Variants in SLC25A21 observed in about 807,000 individuals in gnomAD.
SLC25A21 encodes solute carrier family 25 member 21, also known as mitochondrial 2-oxodicarboxylate carrier.
In SLC25A21, 47 loss-of-function variants were observed where a neutral mutation model predicts 43.8. The observed-to-expected ratio is 1.07, with a 90% CI of 0.85 to 1.37. The LOEUF (loss-of-function observed/expected upper bound fraction) is 1.37, where lower values mean the gene tolerates loss of function less well. Among genes scored for constraint, SLC25A21 ranks in the 40% most tolerant of loss-of-function variants. SLC25A21 has a pLI of 0.00. For synonymous variants in SLC25A21, 131 were observed against 121.3 expected (o/e 1.08, Z -0.52); for missense variants, 352 against 350.2 (o/e 1.00, Z -0.04).
intron 1 of SLC25A21, among the ~76,000 whole-genome samples, chr14:36,935,281 T>C (rs1368573064): frequency 6.6e-6 from 1 of 152,126 alleles, no homozygotes; most frequent in African/African-American, 2.4e-5. Context: ...ATCACCCATA[T>C]CTTTCCATCT....
chr14:36,757,429 GA>G (rs1274596849), intron 3 of SLC25A21, among the ~76,000 whole-genome samples: 1 of 151,870 alleles, frequency 6.6e-6, no homozygotes. Context: ...TGCTTATTGT[GA>G]ACCACACTTT....
At chr14:36,730,877 T>C (rs998180073) in intron 4 of SLC25A21, among the ~76,000 whole-genome samples, 2 of 152,150 alleles carry the variant, frequency 1.3e-5, no homozygotes, top group South Asian at 2.1e-4. Flanking sequence ...GTTAAAATAG[T>C]ACTCAACGGC....
chr14:36,800,568 T>A (rs573852535), intron 3 of SLC25A21, among the ~76,000 whole-genome samples: 25 of 152,236 alleles, frequency 1.6e-4, no homozygotes, highest in African/African-American at 6.0e-4. Flanking sequence ...ATGGAGGTTA[T>A]CAGGGGCTGT....
At chr14:36,769,454 T>C (rs1014526107) in intron 3 of SLC25A21, among the ~76,000 whole-genome samples, 1 of 152,202 alleles carries the variant, frequency 6.6e-6, no homozygotes, top group African/African-American at 2.4e-5. Context: ...AAAATTTTAA[T>C]GTAGCACCAT....
At chr14:36,940,707 T>A (rs774281889) in intron 1 of SLC25A21, among the ~76,000 whole-genome samples, 1 of 152,160 alleles carries the variant, frequency 6.6e-6, no homozygotes, top group Non-Finnish European at 1.5e-5. Context: ...AATCTTTTCA[T>A]TGAACTTCAC....
intron 1 of SLC25A21, among the ~76,000 whole-genome samples, chr14:37,085,108 A>G (rs976831609): frequency 3.3e-5 from 5 of 152,096 alleles, no homozygotes; most frequent in African/African-American, 4.8e-5. Flanking sequence ...GGTGTTAACA[A>G]TTATTTATCC....
At chr14:37,160,777 G>T (rs1963926057) in intron 1 of SLC25A21, among the ~76,000 whole-genome samples, 1 of 151,552 alleles carries the variant, frequency 6.6e-6, no homozygotes, top group South Asian at 2.1e-4. Flanking sequence ...TAAAAATACA[G>T]AAGTTAGCTG....
At chr14:37,060,083 T>TA (rs551316982) in intron 1 of SLC25A21, among the ~76,000 whole-genome samples, 15 of 149,290 alleles carry the variant, frequency 1.0e-4, no homozygotes, top group Non-Finnish European at 1.8e-4. Flanking sequence ...CTAGCCCCTT[T>TA]AAAAAAAAAA....
chr14:37,094,257 G>A (rs185760708), intron 1 of SLC25A21, among the ~76,000 whole-genome samples: 127 of 152,130 alleles, frequency 8.3e-4, no homozygotes, highest in Non-Finnish European at 1.6e-3. Flanking sequence ...ATCAATCTCC[G>A]CTCACCAGAG....
At chr14:37,022,316 T>C (rs543858272) in intron 1 of SLC25A21, among the ~76,000 whole-genome samples, 3 of 152,074 alleles carry the variant, frequency 2.0e-5, no homozygotes, top group Non-Finnish European at 2.9e-5. Flanking sequence ...TCTAACATAG[T>C]ATAGTTTTCA....
chr14:36,799,513 A>G (rs1887792301), intron 3 of SLC25A21, among the ~76,000 whole-genome samples: 1 of 152,208 alleles, frequency 6.6e-6, no homozygotes, highest in Admixed American at 6.6e-5. Flanking sequence ...TAAAGGTCAT[A>G]TTATAAGAAT....
intron 1 of SLC25A21, among the ~76,000 whole-genome samples, chr14:36,963,718 G>A (rs1439733816): frequency 2.6e-5 from 4 of 152,024 alleles, no homozygotes; most frequent in African/African-American, 4.8e-5. Context: ...GGCTTGCTCC[G>A]ACTTCGCAAG....
At chr14:37,118,206 C>T (rs77957507) in intron 1 of SLC25A21, among the ~76,000 whole-genome samples, 8,639 of 152,130 alleles carry the variant, frequency 0.057, 838 homozygotes, top group African/African-American at 0.2. Context: ...TTGTTAGAAC[C>T]TAAGAATGGA....
intron 1 of SLC25A21, among the ~76,000 whole-genome samples, chr14:37,099,440 T>G (rs933471295): frequency 5.9e-5 from 9 of 152,186 alleles, no homozygotes; most frequent in Non-Finnish European, 8.8e-5. Flanking sequence ...AACAGTCATT[T>G]GTTGTCTCAA....
chr14:37,157,521 G>A (rs1270185055), intron 1 of SLC25A21, among the ~76,000 whole-genome samples: 1 of 152,134 alleles, frequency 6.6e-6, no homozygotes, highest in Non-Finnish European at 1.5e-5. Flanking sequence ...AGATGGAAAT[G>A]GAAGAATTCC....
chr14:36,723,157 C>A (rs887148009), intron 6 of SLC25A21, among the ~76,000 whole-genome samples: 1 of 152,174 alleles, frequency 6.6e-6, no homozygotes, highest in African/African-American at 2.4e-5. Context: ...AAGATACTAG[C>A]AAAAATGACC....
At chr14:36,888,412 T>C (rs530345525) in intron 1 of SLC25A21, among the ~76,000 whole-genome samples, 10 of 152,218 alleles carry the variant, frequency 6.6e-5, no homozygotes, top group Admixed American at 1.3e-4. Flanking sequence ...CCACCCAACA[T>C]GCCTGTGATT....
chr14:36,844,002 A>G (rs1008446573), intron 2 of SLC25A21, among the ~76,000 whole-genome samples: 8 of 152,044 alleles, frequency 5.3e-5, no homozygotes, highest in Non-Finnish European at 8.8e-5. Flanking sequence ...GACCCCCCAA[A>G]ATGCTTCCTT....
At chr14:36,933,190 A>G (rs1892337281) in intron 1 of SLC25A21, among the ~76,000 whole-genome samples, 1 of 152,178 alleles carries the variant, frequency 6.6e-6, no homozygotes, top group South Asian at 2.1e-4. Context: ...CTCACACAGG[A>G]AAGAACTTAC....
Sources: allele counts gnomAD v4.1 joint callset (sites outside exome capture counted in the v4.1 genomes callset), GRCh38; gene constraint gnomAD v4.1.1; transcripts MANE v1.5; gene names NCBI Gene and HGNC (gene_info 2026-07-23, HGNC 2026-07-21).